THSD7B: variants seen among roughly 807,000 people sequenced by gnomAD.
THSD7B encodes the protein thrombospondin type 1 domain containing 7B.
A neutral mutation model predicts 213.6 loss-of-function variants in THSD7B; 138 were observed. That is an observed-to-expected ratio of 0.65 (90% CI 0.56 to 0.74). The LOEUF is 0.74. Ranked by LOEUF, THSD7B falls within the 30% of genes least tolerant of loss-of-function variation. The pLI is 0.00. For missense variants in THSD7B, 1,931 were observed against 1,991.5 expected (o/e 0.97, Z 0.58); for synonymous variants, 742 against 687.0 (o/e 1.08, Z -1.25).
intron 15 of THSD7B, among the ~76,000 whole-genome samples, chr2:137,527,288 C>A (rs1010832633): frequency 6.6e-6 from 1 of 151,716 alleles, no homozygotes; most frequent in African/African-American, 2.4e-5. Flanking sequence ...AATTGGGGTG[C>A]GTGTGTGTAT....
intron 14 of THSD7B, among the ~76,000 whole-genome samples, chr2:137,446,571 A>G (rs1687544983): frequency 6.6e-6 from 1 of 152,062 alleles, no homozygotes; most frequent in African/African-American, 2.4e-5. Context: ...TATGGTTTAC[A>G]AAATTACAAA....
At chr2:137,280,255 A>C (rs1274838713) in intron 12 of THSD7B, among the ~76,000 whole-genome samples, 1 of 152,138 alleles carries the variant, frequency 6.6e-6, no homozygotes, top group Admixed American at 6.6e-5. Context: ...CCTTGGGATG[A>C]AATTTGTCTT....
At chr2:137,078,784 C>G (rs1687683559) in intron 3 of THSD7B, among the ~76,000 whole-genome samples, 1 of 151,938 alleles carries the variant, frequency 6.6e-6, no homozygotes, top group Non-Finnish European at 1.5e-5. Flanking sequence ...CCCGTAGATT[C>G]TTATAGTGTT....
chr2:137,070,959 T>C (rs988547288), intron 3 of THSD7B, among the ~76,000 whole-genome samples: 2 of 152,180 alleles, frequency 1.3e-5, no homozygotes, highest in African/African-American at 4.8e-5. Context: ...ATCCAATCTG[T>C]CGTTGTTGGA....
At chr2:137,325,209 ACAGAAACT>A (rs1240263765) in intron 12 of THSD7B, among the ~76,000 whole-genome samples, 1 of 147,712 alleles carries the variant, frequency 6.8e-6, no homozygotes, top group Non-Finnish European at 1.5e-5. Flanking sequence ...CTGGTCACAG[ACAGAAACT>A]CCACATCTGG....
At chr2:136,905,716 A>C (rs1684148527) in intron 2 of THSD7B, among the ~76,000 whole-genome samples, 1 of 152,208 alleles carries the variant, frequency 6.6e-6, no homozygotes, top group Non-Finnish European at 1.5e-5. Flanking sequence ...GCCAATGATA[A>C]CCAGCAATTT....
At chr2:136,912,427 G>A (rs928250228) in intron 2 of THSD7B, among the ~76,000 whole-genome samples, 2 of 151,144 alleles carry the variant, frequency 1.3e-5, no homozygotes, top group East Asian at 2.0e-4. Flanking sequence ...AGAAACTAAA[G>A]GGTTTAACAC....
intron 2 of THSD7B, among the ~76,000 whole-genome samples, chr2:137,055,043 A>G (rs1687136228): frequency 6.6e-6 from 1 of 151,912 alleles, no homozygotes; most frequent in Non-Finnish European, 1.5e-5. Flanking sequence ...TTGGTTTTCT[A>G]TTCCTGTGTT....
chr2:137,547,339 G>T (rs1330574180), intron 15 of THSD7B, among the ~76,000 whole-genome samples: 1 of 151,994 alleles, frequency 6.6e-6, no homozygotes, highest in Non-Finnish European at 1.5e-5. Flanking sequence ...AAGCCATTTT[G>T]TACTGGGCCT....
intron 10 of THSD7B, among the ~76,000 whole-genome samples, chr2:137,264,491 G>A (rs1246156927): frequency 3.3e-5 from 5 of 151,868 alleles, no homozygotes; most frequent in African/African-American, 9.7e-5. Flanking sequence ...CTCGTGATCC[G>A]CCCACCTCAG....
intron 12 of THSD7B, among the ~76,000 whole-genome samples, chr2:137,404,468 TATATATACACAC>T (rs1166904605): frequency 4.8e-4 from 35 of 73,094 alleles, no homozygotes; most frequent in African/African-American, 1.6e-3. Flanking sequence ...TATATATATA[TATATATACACAC>T]ACACACACAC....
chr2:137,405,547 G>A (rs1266026836), intron 12 of THSD7B, 66 bp from the exon 13 acceptor site: 1 of 1,463,424 alleles, frequency 6.8e-7, no homozygotes, highest in Non-Finnish European at 9.2e-7. Context: ...CTGCTGTCTT[G>A]TCAAAGAACC....
At chr2:136,790,928 C>T (rs907663094) in intron 1 of THSD7B, among the ~76,000 whole-genome samples, 2 of 152,018 alleles carry the variant, frequency 1.3e-5, no homozygotes, top group Admixed American at 6.6e-5. Context: ...GAAAGTACCA[C>T]TGACATTGGA....
chr2:137,334,791 C>T (rs570872612), intron 12 of THSD7B, among the ~76,000 whole-genome samples: 1 of 152,218 alleles, frequency 6.6e-6, no homozygotes, highest in African/African-American at 2.4e-5. Context: ...CCACCCGAAT[C>T]TCACCTTGGA....
chr2:137,348,227 T>A (rs1684921930), intron 12 of THSD7B, among the ~76,000 whole-genome samples: 1 of 151,726 alleles, frequency 6.6e-6, no homozygotes, highest in African/African-American at 2.4e-5. Context: ...TCCACTGTAC[T>A]CTCTAGATGC....
chr2:137,290,457 T>C (rs1683303421), intron 12 of THSD7B, among the ~76,000 whole-genome samples: 1 of 152,116 alleles, frequency 6.6e-6, no homozygotes, highest in South Asian at 2.1e-4. Context: ...ATGCTTACTC[T>C]GTCTCTCTAC....
At chr2:137,605,384 G>A (rs184519344) in intron 17 of THSD7B, among the ~76,000 whole-genome samples, 6 of 152,178 alleles carry the variant, frequency 3.9e-5, no homozygotes, top group African/African-American at 1.4e-4. Context: ...GCCAGTGTGA[G>A]GATTAATACA....
rs777279265 is a variant in THSD7B at position 136,885,746 on chromosome 2, T to C, written c.139+3429T>C. Among the ~76,000 whole-genome samples, 4 of 152,166 alleles carry C rather than the reference T, an allele frequency of 2.6e-5. No individual in the cohort carries two copies. The South Asian group carries it at 8.3e-4, about 32-fold the overall frequency. ...AGTCCTTACTGTGTGTCAAGCATTGTTACAAGTACATGAGATAAATTGATT... is the reference window on the plus strand; with the variant it reads ...AGTCCTTACTGTGTGTCAAGCATTGCTACAAGTACATGAGATAAATTGATT... On this transcript the variant is annotated intron_variant, in intron 2 of 27. Transcript: ENST00000409968.
chr2:137,326,559 C>T (rs1684378755), intron 12 of THSD7B, among the ~76,000 whole-genome samples: 2 of 152,146 alleles, frequency 1.3e-5, no homozygotes, highest in Admixed American at 1.3e-4. Context: ...ACAGAGAAAA[C>T]GGTGGCTCTG....
Sources: allele counts gnomAD v4.1 joint callset (sites outside exome capture counted in the v4.1 genomes callset), GRCh38; gene constraint gnomAD v4.1.1; transcripts MANE v1.5; gene names NCBI Gene and HGNC (gene_info 2026-07-23, HGNC 2026-07-21).